APBB2: variants seen among roughly 807,000 people sequenced by gnomAD.
APBB2 encodes the protein amyloid beta precursor protein binding family B member 2.
A neutral mutation model predicts 82.5 loss-of-function variants in APBB2; 38 were observed. The ratio of observed to expected loss-of-function variants is 0.46; its 90% CI spans 0.36 to 0.60. APBB2 has a LOEUF of 0.60. Among genes scored for constraint, APBB2 ranks in the 20% least tolerant of loss-of-function variants. The pLI is 0.00. For synonymous variants in APBB2, 341 were observed against 368.2 expected, an observed-to-expected ratio of 0.93 and a Z score of 0.85; for missense variants, 772 against 972.3, an observed-to-expected ratio of 0.79 and a Z score of 2.74.
chr4:40,840,872 G>A (rs719378), intron 12 of APBB2, among the ~76,000 whole-genome samples: 29,604 of 152,096 alleles, frequency 0.19, 3,077 homozygotes, highest in Admixed American at 0.24. Flanking sequence ...AAACAAGGAG[G>A]ATAGGAACTA....
At chr4:40,945,769 C>T (rs933275736) in intron 6 of APBB2, among the ~76,000 whole-genome samples, 14 of 152,212 alleles carry the variant, frequency 9.2e-5, no homozygotes, top group Middle Eastern at 3.4e-3. Flanking sequence ...CTTGCCACCA[C>T]GCCAGGCTTT....
At chr4:41,159,409 G>A (rs769451860) in intron 1 of APBB2, among the ~76,000 whole-genome samples, 24 of 152,128 alleles carry the variant, frequency 1.6e-4, no homozygotes, top group African/African-American at 5.6e-4. Flanking sequence ...AATATTAGCC[G>A]ACTTACTTAA....
At chr4:41,107,556 TCA>T (rs1747699264) in intron 2 of APBB2, among the ~76,000 whole-genome samples, 1 of 152,104 alleles carries the variant, frequency 6.6e-6, no homozygotes, top group South Asian at 2.1e-4. Context: ...GACAGAACAC[TCA>T]CACACAGTCT....
chr4:41,029,688 C>A (rs1715910576), intron 5 of APBB2, among the ~76,000 whole-genome samples: 1 of 151,190 alleles, frequency 6.6e-6, no homozygotes, highest in Non-Finnish European at 1.5e-5. Context: ...TAAACATATA[C>A]ATGTTTTATT....
chr4:40,917,523 C>A (rs566129720), intron 10 of APBB2, among the ~76,000 whole-genome samples: 3 of 152,148 alleles, frequency 2.0e-5, no homozygotes, highest in South Asian at 2.1e-4. Flanking sequence ...AAGCAGATAA[C>A]CAGTACTTAA....
intron 6 of APBB2, among the ~76,000 whole-genome samples, chr4:40,989,499 T>C (rs1202424365): frequency 6.6e-6 from 1 of 151,634 alleles, no homozygotes; most frequent in Non-Finnish European, 1.5e-5. Flanking sequence ...TGCAAGAGTT[T>C]TTAATTTCCC....
intron 6 of APBB2, among the ~76,000 whole-genome samples, chr4:41,008,521 C>A (rs1401295401): frequency 6.6e-6 from 1 of 152,170 alleles, no homozygotes; most frequent in Non-Finnish European, 1.5e-5. Context: ...TGAAGATGAA[C>A]CAACCCTTGC....
chr4:40,912,720 C>T (rs1488863036), intron 10 of APBB2, among the ~76,000 whole-genome samples: 4 of 152,130 alleles, frequency 2.6e-5, no homozygotes, highest in Non-Finnish European at 4.4e-5. Flanking sequence ...TGGAGATGCT[C>T]AAATGCCAAG....
intron 12 of APBB2, among the ~76,000 whole-genome samples, chr4:40,889,591 C>T (rs1196446116): frequency 1.3e-5 from 2 of 152,210 alleles, no homozygotes; most frequent in Admixed American, 6.5e-5. Context: ...TTGCCAAAGA[C>T]TGACTATAAT....
intron 4 of APBB2, among the ~76,000 whole-genome samples, chr4:41,035,933 A>G (rs1017628773): frequency 3.3e-5 from 5 of 152,142 alleles, no homozygotes; most frequent in African/African-American, 1.2e-4. Flanking sequence ...CACAGGTGGG[A>G]GGACCACCTG....
At chr4:40,996,802 A>C (rs564450179) in intron 6 of APBB2, among the ~76,000 whole-genome samples, 94 of 152,118 alleles carry the variant, frequency 6.2e-4, no homozygotes, top group Non-Finnish European at 1.2e-3. Context: ...TCATAATCTA[A>C]ACAAATTACT....
At chr4:40,977,588 C>T (rs917311643) in intron 6 of APBB2, among the ~76,000 whole-genome samples, 1 of 152,162 alleles carries the variant, frequency 6.6e-6, no homozygotes, top group Admixed American at 6.5e-5. Context: ...GCTGGGTTTA[C>T]AGGTGTGAGC....
chr4:40,984,515 G>A (rs993747238), intron 6 of APBB2, among the ~76,000 whole-genome samples: 1 of 152,224 alleles, frequency 6.6e-6, no homozygotes, highest in Admixed American at 6.5e-5. Flanking sequence ...GGTCAGGGAG[G>A]CCAAATTCCC....
intron 6 of APBB2, among the ~76,000 whole-genome samples, chr4:40,998,401 C>T (rs1322972527): frequency 6.6e-6 from 1 of 152,116 alleles, no homozygotes; most frequent in Admixed American, 6.5e-5. Context: ...TATAAGAGTG[C>T]AAACAAGCTT....
chr4:40,904,141 G>A (rs1216596785), intron 10 of APBB2, among the ~76,000 whole-genome samples: 2 of 152,028 alleles, frequency 1.3e-5, no homozygotes, highest in Non-Finnish European at 1.5e-5. Context: ...TGAGAAATAC[G>A]GCAATTAGGC....
intron 1 of APBB2, among the ~76,000 whole-genome samples, chr4:41,161,314 G>C (rs188477828): frequency 6.6e-6 from 1 of 152,064 alleles, no homozygotes; most frequent in East Asian, 1.9e-4. Context: ...TCTCTCAAAA[G>C]TATAGCATTC....
intron 1 of APBB2, among the ~76,000 whole-genome samples, chr4:41,161,792 C>G (rs916406687): frequency 1.2e-4 from 18 of 152,142 alleles, no homozygotes; most frequent in Admixed American, 7.2e-4. Context: ...TCCCAAATTC[C>G]AGTGTAAAGT....
At chr4:40,901,909 A>ATATGTGTGTGTG (rs766567645) in intron 10 of APBB2, among the ~76,000 whole-genome samples, 209 of 145,534 alleles carry the variant, frequency 1.4e-3, no homozygotes, top group African/African-American at 5.1e-3. Context: ...ATCCAAAATT[A>ATATGTGTGTGTG]TGTGTGTGTG....
chr4:41,095,079 T>C (rs531190946), intron 3 of APBB2, among the ~76,000 whole-genome samples: 2 of 152,326 alleles, frequency 1.3e-5, no homozygotes, highest in East Asian at 1.9e-4. Flanking sequence ...AGATCACTTA[T>C]AAATGTGGCA....
Sources: allele counts gnomAD v4.1 joint callset (sites outside exome capture counted in the v4.1 genomes callset), GRCh38; gene constraint gnomAD v4.1.1; transcripts MANE v1.5; gene names NCBI Gene and HGNC (gene_info 2026-07-23, HGNC 2026-07-21).